Variants in LRRC4C observed in about 807,000 individuals in gnomAD.
The protein encoded by LRRC4C is leucine rich repeat containing 4C, also known as leucine-rich repeat-containing protein 4C.
In LRRC4C, 5 loss-of-function variants were observed where a neutral mutation model predicts 33.6. The observed-to-expected ratio is 0.15, with a 90% CI of 0.08 to 0.31. The LOEUF (loss-of-function observed/expected upper bound fraction) is 0.31, where lower values mean the gene tolerates loss of function less well. LRRC4C is among the 10% of genes least tolerant of loss of function. LRRC4C has a pLI of 1.00. For synonymous variants in LRRC4C, 329 were observed against 302.0 expected (o/e 1.09, Z -0.93); for missense variants, 560 against 796.7 (o/e 0.70, Z 3.58).
At chr11:40,854,792 T>C (rs1431884523) in intron 2 of LRRC4C, among the ~76,000 whole-genome samples, 3 of 151,430 alleles carry the variant, frequency 2.0e-5, no homozygotes, top group Admixed American at 2.0e-4. Context: ...TACATATTAA[T>C]AAAAATAATA....
chr11:40,588,613 T>C (rs1484872872), intron 3 of LRRC4C, among the ~76,000 whole-genome samples: 1 of 151,956 alleles, frequency 6.6e-6, no homozygotes, highest in Admixed American at 6.6e-5. Context: ...TGTGGGTATT[T>C]AGTGCTATAA....
chr11:41,170,624 A>C (rs1032522746), intron 1 of LRRC4C, among the ~76,000 whole-genome samples: 2 of 152,230 alleles, frequency 1.3e-5, no homozygotes, highest in African/African-American at 4.8e-5. Flanking sequence ...TTAAAGACTT[A>C]AATGTTAGAC....
At chr11:40,409,872 T>C (rs1176187527) in intron 3 of LRRC4C, among the ~76,000 whole-genome samples, 2 of 152,090 alleles carry the variant, frequency 1.3e-5, no homozygotes, top group African/African-American at 4.8e-5. Flanking sequence ...TTACAAAAAA[T>C]AGTGTGTGAA....
At chr11:40,885,984 G>T (rs562952802) in intron 2 of LRRC4C, among the ~76,000 whole-genome samples, 2 of 152,146 alleles carry the variant, frequency 1.3e-5, no homozygotes, top group Admixed American at 1.3e-4. Context: ...CATTACTGAA[G>T]AATTAATAGT....
chr11:40,841,456 G>C (rs1211291477), intron 2 of LRRC4C, among the ~76,000 whole-genome samples: 1 of 152,144 alleles, frequency 6.6e-6, no homozygotes, highest in Non-Finnish European at 1.5e-5. Flanking sequence ...GGTCACAAAG[G>C]TGGTGTCCTG....
At chr11:41,291,243 A>T (rs1168625619) in intron 1 of LRRC4C, among the ~76,000 whole-genome samples, 1 of 152,138 alleles carries the variant, frequency 6.6e-6, no homozygotes, top group Non-Finnish European at 1.5e-5. Context: ...TTAGAATGTG[A>T]GGTATAGCTG....
intron 2 of LRRC4C, among the ~76,000 whole-genome samples, chr11:40,691,170 C>CA (rs1945204199): frequency 1.3e-5 from 2 of 152,088 alleles, no homozygotes; most frequent in Non-Finnish European, 2.9e-5. Flanking sequence ...TCAAAACCAA[C>CA]CAAATTAATT....
chr11:40,250,721 A>T (rs1297933726), intron 4 of LRRC4C, among the ~76,000 whole-genome samples: 1 of 152,120 alleles, frequency 6.6e-6, no homozygotes, highest in African/African-American at 2.4e-5. Flanking sequence ...CCTGGGTGAC[A>T]GAGTGAGATT....
chr11:40,719,220 AT>A (rs1946882652), intron 2 of LRRC4C, among the ~76,000 whole-genome samples: 1 of 152,222 alleles, frequency 6.6e-6, no homozygotes, highest in African/African-American at 2.4e-5. Context: ...TGAACATGTA[AT>A]CATCTCTTGA....
chr11:41,434,548 T>G (rs1418985536), intron 1 of LRRC4C, among the ~76,000 whole-genome samples: 1 of 152,110 alleles, frequency 6.6e-6, no homozygotes, highest in African/African-American at 2.4e-5. Flanking sequence ...GTACATCCCA[T>G]GATACAAAAT....
intron 1 of LRRC4C, among the ~76,000 whole-genome samples, chr11:41,211,658 G>A (rs138128922): frequency 2.0e-5 from 3 of 152,166 alleles, no homozygotes; most frequent in Non-Finnish European, 4.4e-5. Context: ...AGGACATGAA[G>A]TCATCATTTT....
At chr11:40,840,604 T>C (rs1952868300) in intron 2 of LRRC4C, among the ~76,000 whole-genome samples, 1 of 152,212 alleles carries the variant, frequency 6.6e-6, no homozygotes, top group Non-Finnish European at 1.5e-5. Context: ...CATCTGGTGA[T>C]ACATCACTGT....
At chr11:41,105,651 A>G (rs1329165334) in intron 1 of LRRC4C, among the ~76,000 whole-genome samples, 2 of 152,098 alleles carry the variant, frequency 1.3e-5, no homozygotes, top group African/African-American at 2.4e-5. Context: ...TGAAGAAAGG[A>G]GAAACAAGTG....
At chr11:40,333,621 G>T (rs1301719249) in intron 3 of LRRC4C, among the ~76,000 whole-genome samples, 1 of 150,088 alleles carries the variant, frequency 6.7e-6, no homozygotes, top group African/African-American at 2.5e-5. Context: ...GGGGGCTGAG[G>T]CAGAAGAATC....
At chr11:41,400,906 A>G (rs1194551264) in intron 1 of LRRC4C, among the ~76,000 whole-genome samples, 1 of 151,916 alleles carries the variant, frequency 6.6e-6, no homozygotes, top group African/African-American at 2.4e-5. Flanking sequence ...TTCCCATAAA[A>G]TGCTGCTGAA....
At chr11:41,026,841 C>T (rs1281265979) in intron 1 of LRRC4C, among the ~76,000 whole-genome samples, 1 of 151,192 alleles carries the variant, frequency 6.6e-6, no homozygotes, top group Non-Finnish European at 1.5e-5. Context: ...TTTTTTCAGA[C>T]AGAATGTTAC....
At chr11:41,043,039 G>A (rs1857537229) in intron 1 of LRRC4C, among the ~76,000 whole-genome samples, 2 of 129,796 alleles carry the variant, frequency 1.5e-5, no homozygotes, top group Non-Finnish European at 3.2e-5. Context: ...AAGTCTCATC[G>A]AAATCCAAAA....
At chr11:40,225,283 C>T (rs1864705070) in intron 5 of LRRC4C, among the ~76,000 whole-genome samples, 1 of 152,052 alleles carries the variant, frequency 6.6e-6, no homozygotes, top group Admixed American at 6.6e-5. Context: ...TTAACATTAA[C>T]TAATTAAGCT....
intron 1 of LRRC4C, among the ~76,000 whole-genome samples, chr11:41,417,853 A>G (rs140316490): frequency 9.2e-5 from 14 of 151,476 alleles, no homozygotes; most frequent in African/African-American, 3.1e-4. Flanking sequence ...ATTTTTTTCT[A>G]TTCATTGCTG....
Sources: gnomAD v4.1 joint callset for allele counts (sites outside exome capture counted in the v4.1 genomes callset) on GRCh38, gnomAD v4.1.1 for gene constraint, MANE v1.5 for transcripts, NCBI Gene and HGNC (gene_info 2026-07-23, HGNC 2026-07-21) for gene names.